Variants in ANKMY2 observed in about 807,000 individuals in gnomAD.
ANKMY2 encodes ankyrin repeat and MYND domain-containing protein 2.
In ANKMY2, 36 loss-of-function variants were observed where a neutral mutation model predicts 50.4. The observed-to-expected ratio is 0.71, with a 90% CI of 0.55 to 0.94. The LOEUF is 0.94. ANKMY2 is among the 40% of genes least tolerant of loss of function. The pLI, the probability that ANKMY2 is intolerant of heterozygous loss-of-function variation, is 0.00. For missense variants in ANKMY2, 565 were observed against 524.0 expected, an observed-to-expected ratio of 1.08 and a Z score of -0.76; for synonymous variants, 187 against 178.8, an observed-to-expected ratio of 1.05 and a Z score of -0.36.
At chr7:16,620,558 T>A (rs1781418993) in intron 4 of ANKMY2, among the ~76,000 whole-genome samples, 1 of 151,160 alleles carries the variant, frequency 6.6e-6, no homozygotes, top group Non-Finnish European at 1.5e-5. Flanking sequence ...TGTACAGTTT[T>A]GACCAGCCAA....
intron 1 of ANKMY2, among the ~76,000 whole-genome samples, chr7:16,645,058 C>A (rs1342436208): frequency 1.3e-5 from 2 of 152,214 alleles, no homozygotes; most frequent in Admixed American, 1.3e-4. Flanking sequence ...CACTCCCAAG[C>A]GGGGGCGGGG....
intron 2 of ANKMY2, among the ~76,000 whole-genome samples, chr7:16,629,840 T>A (rs1781556528): frequency 6.6e-6 from 1 of 152,192 alleles, no homozygotes; most frequent in African/African-American, 2.4e-5. Flanking sequence ...ATTATCTTGG[T>A]TCTAGTACCA....
chr7:16,608,872 G>A (rs1268773038), intron 7 of ANKMY2, among the ~76,000 whole-genome samples: 6 of 151,968 alleles, frequency 3.9e-5, no homozygotes, highest in Non-Finnish European at 7.4e-5. Flanking sequence ...GTGGTGGCGC[G>A]CACCTATAGT....
Position 16,636,260 on chromosome 7 carries a change from G to A in ANKMY2, c.132+131C>T, listed in dbSNP as rs1263777413. 38 of 629,434 alleles carry A rather than the reference G, an allele frequency of 6.0e-5. 1 individual carries two copies. The highest frequency in any genetic ancestry group is 5.9e-4 in the South Asian group (25 of 42,450). 39.0% of individuals were successfully genotyped at this position (629,434 alleles called of 1,614,324 possible). On this transcript the variant is annotated intron_variant, in intron 2 of 9. Transcript: ENST00000306999. ...GGAGGTTGCAGTGAGCCAAAATTGT[G>A]CCACTGCATTCCAGCCTGGGCGAAA...
At chr7:16,629,708 A>C (rs12538155) in intron 2 of ANKMY2, among the ~76,000 whole-genome samples, 25,522 of 152,090 alleles carry the variant, frequency 0.17, 2,432 homozygotes, top group Admixed American at 0.28. Flanking sequence ...TAACAAATTT[A>C]CACTTATTTT....
chr7:16,645,305 G>T (rs1781819170), intron 1 of ANKMY2, among the ~76,000 whole-genome samples: 1 of 152,152 alleles, frequency 6.6e-6, no homozygotes. Flanking sequence ...TACCCCTCTT[G>T]TCCCAGCACT....
Position 16,645,681 on chromosome 7 carries a change from C to A in ANKMY2, c.-108G>T. Reference sequence around the variant, plus strand: ...GCAATGAGGCAACTTGAGACCAAGACACTGAGTAGCCAACCGCGGAAACGC... The same window carrying A: ...GCAATGAGGCAACTTGAGACCAAGAAACTGAGTAGCCAACCGCGGAAACGC... On this transcript the variant is annotated 5_prime_UTR_variant, in exon 1 of 10. Transcript: ENST00000306999. The A allele has an allele frequency of 8.3e-7, 1 of 1,206,438 alleles. No individual in the cohort carries two copies. The highest frequency in any genetic ancestry group is 1.1e-6 in the Non-Finnish European group (1 of 871,728). 74.7% of individuals were successfully genotyped at this position (1,206,438 alleles called of 1,614,324 possible).
At chr7:16,641,198 C>A (rs1382890956) in intron 1 of ANKMY2, among the ~76,000 whole-genome samples, 4 of 151,996 alleles carry the variant, frequency 2.6e-5, no homozygotes, top group Non-Finnish European at 1.5e-5. Context: ...CGCACCATTG[C>A]ATTCCAGCCT....
intron 4 of ANKMY2, 63 bp downstream of exon 4, chr7:16,624,920 G>A (rs1317396352): frequency 1.1e-5 from 15 of 1,404,238 alleles, no homozygotes; most frequent in African/African-American, 1.4e-5. Context: ...AAGCAAAGTG[G>A]GTTTTTTTTC....
At chr7:16,609,311 T>C (rs546877147) in intron 7 of ANKMY2, among the ~76,000 whole-genome samples, 8 of 152,310 alleles carry the variant, frequency 5.3e-5, no homozygotes, top group South Asian at 2.1e-4. Flanking sequence ...ATAATTCATA[T>C]AGCTACAAGT....
At position 16,609,612 on chromosome 7, in the gene ANKMY2, A is replaced by G. The variant is rs1319713290; in HGVS notation, c.882+18T>C. 1 of 1,584,656 alleles carries G rather than the reference A, an allele frequency of 6.3e-7. No individual in the cohort carries two copies. The highest frequency in any genetic ancestry group is 2.3e-5 in the East Asian group (1 of 43,524). ...TAGGTTTTACTGATAGAGTCAACTT[A>G]GGTAAGAGGAGCCTTACAATTTCAA... On this transcript the variant is annotated intron_variant, in intron 7 of 9. Coordinates refer to ENST00000306999, the MANE Select transcript of ANKMY2 (RefSeq NM_020319.3).
intron 4 of ANKMY2, among the ~76,000 whole-genome samples, chr7:16,619,731 G>A (rs1007428505): frequency 3.9e-5 from 6 of 152,056 alleles, no homozygotes; most frequent in South Asian, 2.1e-4. Flanking sequence ...AATAAATGCT[G>A]CAGGTGGAGA....
chr7:16,608,671 G>A (rs1182209161), intron 7 of ANKMY2, among the ~76,000 whole-genome samples: 1 of 152,132 alleles, frequency 6.6e-6, no homozygotes, highest in Non-Finnish European at 1.5e-5. Context: ...ATAAAAGCAT[G>A]AATGGGTATA....
intron 1 of ANKMY2, among the ~76,000 whole-genome samples, chr7:16,642,122 A>G (rs1317648426): frequency 6.8e-6 from 1 of 147,642 alleles, no homozygotes; most frequent in Non-Finnish European, 1.5e-5. Context: ...CACAGATATG[A>G]AAAAAAAAAA....
At chr7:16,602,334 C>G in intron 9 of ANKMY2, 46 bp downstream of exon 9, 1 of 1,595,818 alleles carries the variant, frequency 6.3e-7, no homozygotes, top group Non-Finnish European at 8.5e-7. Flanking sequence ...CCTATCATCT[C>G]TCTCTCCACT....
intron 3 of ANKMY2, among the ~76,000 whole-genome samples, chr7:16,626,665 G>A (rs1583679608): frequency 6.6e-6 from 1 of 152,252 alleles, no homozygotes; most frequent in South Asian, 2.1e-4. Context: ...GTGCCAGTGA[G>A]GCAAACAGAC....
At position 16,636,454 on chromosome 7, in the gene ANKMY2, A is replaced by T; in HGVS notation, c.69T>A (p.Gly23=). The T allele has an allele frequency of 6.4e-7, 1 of 1,560,128 alleles. No homozygotes were observed. Among genetic ancestry groups the T allele is most frequent in the South Asian group, 1.2e-5 (1 of 83,816 alleles). The part of the protein sequence containing the change: ...EKELLEVIGK[G]TVQEAGTLLS... The stretch of plus-strand genomic sequence containing the variant: ...ATAATGTTCCAGCTTCTTGGACAGT[A>T]CCTAAAAAAAAAAAAAAGATGAAAA... The change falls in exon 2 of 10, where the codon GGT becomes GGA. Residue 23 remains glycine, a splice_region_variant and synonymous_variant. Coordinates refer to ENST00000306999, the MANE Select transcript of ANKMY2 (RefSeq NM_020319.3).
rs117282684 is a variant in ANKMY2, at chr7:16,640,389, C to T, written c.68-3934G>A. 1.6e-4 allele frequency among the ~76,000 whole-genome samples: 24 copies of T among 152,224 alleles called. No homozygotes were observed. In the East Asian group the frequency reaches 2.1e-3, roughly 13 times the overall value. ...ATTTCTAATATCTAGATCGGGAACACGGGTCTCTACCAAAGACAAGAAGAT... is the reference window on the plus strand; with the variant it reads ...ATTTCTAATATCTAGATCGGGAACATGGGTCTCTACCAAAGACAAGAAGAT... On this transcript the variant is annotated intron_variant, in intron 1 of 9. Coordinates refer to ENST00000306999, the MANE Select transcript of ANKMY2 (RefSeq NM_020319.3).
chr7:16,606,154 G>GGT (rs1781157783), intron 7 of ANKMY2, among the ~76,000 whole-genome samples: 1 of 152,130 alleles, frequency 6.6e-6, no homozygotes, highest in Non-Finnish European at 1.5e-5. Context: ...TAAGGGGCTG[G>GGT]GTGTGGTGGC....
Sources: gnomAD v4.1 joint callset for allele counts (sites outside exome capture counted in the v4.1 genomes callset) on GRCh38, gnomAD v4.1.1 for gene constraint, MANE v1.5 for transcripts, NCBI Gene and HGNC (gene_info 2026-07-23, HGNC 2026-07-21) for gene names.